The following PDE8B variants were observed in gnomAD, a reference collection of about 807,000 sequenced individuals.
The protein encoded by PDE8B is phosphodiesterase 8B.
A neutral mutation model predicts 101.3 loss-of-function variants in PDE8B; 26 were observed. The ratio of observed to expected loss-of-function variants is 0.26; its 90% CI spans 0.19 to 0.36. The LOEUF (loss-of-function observed/expected upper bound fraction) is 0.36, where lower values mean the gene tolerates loss of function less well. Among genes scored for constraint, PDE8B ranks in the 10% least tolerant of loss-of-function variants. The pLI is 1.00. For missense variants in PDE8B, 810 were observed against 1,163.1 expected (o/e 0.70, Z 4.42); for synonymous variants, 424 against 429.3 (o/e 0.99, Z 0.15).
At chr5:77,164,956 A>G in the PDE8B span, among the ~76,000 whole-genome samples, 1 of 152,226 alleles carries the variant, frequency 6.6e-6, no homozygotes, top group African/African-American at 2.4e-5. Context: ...GGCCCACAAC[A>G]GGTCAAAATA....
chr5:77,134,401 C>G, the PDE8B span: 1 of 152,244 alleles, frequency 6.6e-6, no homozygotes, highest in Non-Finnish European at 1.5e-5. Context: ...CTTCTTGTCT[C>G]TACAACTCTG....
intron 9 of PDE8B, among the ~76,000 whole-genome samples, chr5:77,351,694 C>G (rs967111000): frequency 1.3e-5 from 2 of 152,156 alleles, no homozygotes; most frequent in African/African-American, 4.8e-5. Context: ...GAAAAATATG[C>G]AATTCCTCTT....
intron 20 of PDE8B, among the ~76,000 whole-genome samples, chr5:77,423,391 T>G (rs1415957651): frequency 6.6e-6 from 1 of 152,200 alleles, no homozygotes; most frequent in Non-Finnish European, 1.5e-5. Context: ...ATGGGACGGC[T>G]GGGTTGAATA....
At position 77,344,836 on chromosome 5, in the gene PDE8B, T is replaced by A; in HGVS notation, c.798-17T>A. On this transcript the variant is annotated splice_polypyrimidine_tract_variant and intron_variant, in intron 6 of 21. Transcript: ENST00000264917. ...GTTTTCATAGAAGAACTAACTTCAATCTTTTATAACTTTCAGGGCCTGTAA... is the reference window on the plus strand; with the variant it reads ...GTTTTCATAGAAGAACTAACTTCAAACTTTTATAACTTTCAGGGCCTGTAA... 1 of 1,526,242 alleles carries A rather than the reference T, an allele frequency of 6.6e-7. No homozygotes were observed. 94.5% of individuals were successfully genotyped at this position (1,526,242 alleles called of 1,614,324 possible).
chr5:77,179,094 T>C, the PDE8B span, among the ~76,000 whole-genome samples: 8 of 152,190 alleles, frequency 5.3e-5, no homozygotes, highest in East Asian at 1.5e-3. Context: ...ATGGGGATCA[T>C]TGGGAGTCAT....
the PDE8B span, among the ~76,000 whole-genome samples, chr5:77,120,085 A>G: frequency 1.1e-4 from 16 of 152,228 alleles, no homozygotes; most frequent in African/African-American, 3.1e-4. Flanking sequence ...ATGCAATGGA[A>G]TATTGCCCAG....
chr5:77,262,688 C>T (rs1156265830), intron 1 of PDE8B, among the ~76,000 whole-genome samples: 1 of 152,212 alleles, frequency 6.6e-6, no homozygotes, highest in East Asian at 1.9e-4. Flanking sequence ...CTCTGATTTT[C>T]TACTTCTGTC....
At chr5:77,262,154 C>T (rs142955569) in intron 1 of PDE8B, among the ~76,000 whole-genome samples, 8 of 151,530 alleles carry the variant, frequency 5.3e-5, no homozygotes, top group Admixed American at 2.0e-4. Context: ...AAAGATCCTG[C>T]GTATGGGAAC....
At chr5:77,161,989 A>G in the PDE8B span, among the ~76,000 whole-genome samples, 51 of 150,820 alleles carry the variant, frequency 3.4e-4, 2 homozygotes, top group Non-Finnish European at 7.2e-4. Flanking sequence ...GTTTCAAGAT[A>G]TTTTTATGTG....
chr5:77,209,981 C>G (rs1747897549), upstream of PDE8B, among the ~76,000 whole-genome samples: 2 of 152,150 alleles, frequency 1.3e-5, no homozygotes, highest in African/African-American at 2.4e-5. Flanking sequence ...CCAACTCAGC[C>G]TTCGGAGTAG....
chr5:77,213,132 C>A (rs1295922280), intron 1 of PDE8B, among the ~76,000 whole-genome samples: 1 of 152,180 alleles, frequency 6.6e-6, no homozygotes, highest in Non-Finnish European at 1.5e-5. Flanking sequence ...GGACAATGAG[C>A]CCCAATTATT....
the PDE8B span, among the ~76,000 whole-genome samples, chr5:77,175,967 C>T: frequency 6.6e-6 from 1 of 152,204 alleles, no homozygotes; most frequent in Admixed American, 6.5e-5. Flanking sequence ...CTAAATGGTG[C>T]ATCCCATTTG....
the PDE8B span, among the ~76,000 whole-genome samples, chr5:77,091,364 G>T: frequency 6.6e-6 from 1 of 152,088 alleles, no homozygotes; most frequent in South Asian, 2.1e-4. Flanking sequence ...AAATGGCCAG[G>T]TGCAGTGGCT....
chr5:77,339,975 T>C (rs1007455433), intron 6 of PDE8B, among the ~76,000 whole-genome samples: 1 of 152,240 alleles, frequency 6.6e-6, no homozygotes, highest in Admixed American at 6.5e-5. Flanking sequence ...CTCTGTTGAA[T>C]AGAAGAATTT....
the PDE8B span, among the ~76,000 whole-genome samples, chr5:77,094,912 G>A: frequency 1.3e-5 from 2 of 152,124 alleles, no homozygotes; most frequent in Non-Finnish European, 2.9e-5. Context: ...CTGCCCCCAT[G>A]ACTCACATAC....
intron 1 of PDE8B, among the ~76,000 whole-genome samples, chr5:77,309,975 G>A (rs1423645495): frequency 4.4e-5 from 3 of 68,152 alleles, no homozygotes; most frequent in Admixed American, 2.2e-4. Context: ...TTGAGATGGA[G>A]TTTTGCTCTT....
At chr5:77,365,207 A>G (rs1466635280) in intron 10 of PDE8B, among the ~76,000 whole-genome samples, 1 of 152,176 alleles carries the variant, frequency 6.6e-6, no homozygotes, top group South Asian at 2.1e-4. Context: ...AAAGAAAACA[A>G]CAACAACAAA....
intron 1 of PDE8B, among the ~76,000 whole-genome samples, chr5:77,275,218 A>G (rs1168539195): frequency 2.0e-5 from 3 of 152,052 alleles, no homozygotes; most frequent in Non-Finnish European, 2.9e-5. Context: ...AAATATATAT[A>G]CTGTATATGT....
chr5:77,301,210 G>A (rs747647500), intron 1 of PDE8B, among the ~76,000 whole-genome samples: 1 of 152,196 alleles, frequency 6.6e-6, no homozygotes, highest in Non-Finnish European at 1.5e-5. Flanking sequence ...ATGGAGACAA[G>A]CAGGGAAGAC....
Sources: allele counts gnomAD v4.1 joint callset (sites outside exome capture counted in the v4.1 genomes callset), GRCh38; gene constraint gnomAD v4.1.1; transcripts MANE v1.5; gene names NCBI Gene and HGNC (gene_info 2026-07-23, HGNC 2026-07-21).